Variants in CDKL5 observed in about 807,000 individuals in gnomAD.
CDKL5 encodes cyclin dependent kinase like 5.
A neutral mutation model predicts 61.7 loss-of-function variants in CDKL5; 8 were observed. The observed-to-expected ratio is 0.13, with a 90% CI of 0.08 to 0.23. CDKL5 has a LOEUF of 0.23. CDKL5 is among the 10% of genes least tolerant of loss of function. The pLI, the probability that CDKL5 is intolerant of heterozygous loss-of-function variation, is 1.00. For missense variants in CDKL5, 440 were observed against 734.5 expected (o/e 0.60, Z 4.63); for synonymous variants, 275 against 272.3 (o/e 1.01, Z -0.10).
At chrX:18,478,157 A>AT (rs1467809130) in intron 1 of CDKL5, among the ~76,000 whole-genome samples, 3 of 108,199 alleles carry the variant, frequency 2.8e-5, no homozygotes, top group Non-Finnish European at 5.7e-5. Context: ...TTTTGCCATC[A>AT]TTTTTGAAAC....
Position 18,634,669 on chromosome X carries a change from C to T in CDKL5, c.*5912C>T. 1 of 753,538 alleles carries T rather than the reference C, an allele frequency of 1.3e-6. No homozygotes were observed. Among genetic ancestry groups the T allele is most frequent in the Non-Finnish European group, 1.6e-6 (1 of 639,058 alleles). 62.1% of individuals were successfully genotyped at this position (753,538 alleles called of 1,213,427 possible). A position where few individuals can be genotyped will look rare whatever the true frequency, so the allele number is the denominator to read the frequency against. On this transcript the variant is annotated 3_prime_UTR_variant, in exon 18 of 18. Transcript: ENST00000623535. Reference sequence around the variant, plus strand: ...TTTACTCTTTGGTCACCGATCGAGTCAGGCTAGAGGGGTAATACGGTGATT... The same window carrying T: ...TTTACTCTTTGGTCACCGATCGAGTTAGGCTAGAGGGGTAATACGGTGATT...
chrX:18,549,956 G>A (rs1460520881), intron 3 of CDKL5, among the ~76,000 whole-genome samples: 1 of 111,612 alleles, frequency 9.0e-6, no homozygotes, highest in Non-Finnish European at 1.9e-5. Flanking sequence ...TAGCTGGTGA[G>A]TGGCTTCTGA....
At chrX:18,540,322 G>A in intron 3 of CDKL5, among the ~76,000 whole-genome samples, 1 of 109,877 alleles carries the variant, frequency 9.1e-6, no homozygotes, top group Non-Finnish European at 1.9e-5. Context: ...GACCACAGGT[G>A]TGCACCACCA....
At chrX:18,569,398 AG>A in intron 4 of CDKL5, among the ~76,000 whole-genome samples, 1 of 112,153 alleles carries the variant, frequency 8.9e-6, no homozygotes, top group South Asian at 3.7e-4. Flanking sequence ...TTTTCTGAGA[AG>A]GGAAAAAATG....
At chrX:18,611,120 A>G (rs1386806470) in intron 14 of CDKL5, among the ~76,000 whole-genome samples, 1 of 111,688 alleles carries the variant, frequency 9.0e-6, no homozygotes, top group Non-Finnish European at 1.9e-5. Flanking sequence ...TCCTGATACC[A>G]TGATTACGCT....
chrX:18,653,351 G>A, intron 21 of CDKL5: 1 of 1,175,346 alleles, frequency 8.5e-7, no homozygotes, highest in Admixed American at 2.4e-5. Flanking sequence ...GCTCCGTGGG[G>A]GGCCCGGGCA....
intron 3 of CDKL5, among the ~76,000 whole-genome samples, chrX:18,522,079 A>G (rs997469244): frequency 3.6e-5 from 4 of 110,847 alleles, no homozygotes; most frequent in African/African-American, 9.9e-5. Context: ...TGGGAAAAAA[A>G]GCTGTTGAAA....
At chrX:18,507,203 CAGTT>C in intron 2 of CDKL5, 43 bp downstream of exon 2, 2 of 909,495 alleles carry the variant, frequency 2.2e-6, no homozygotes, top group Non-Finnish European at 3.2e-6. Context: ...GAGCAATGAA[CAGTT>C]AGTTATTCCT....
At chrX:18,522,179 A>G (rs915480637) in intron 3 of CDKL5, among the ~76,000 whole-genome samples, 2 of 110,031 alleles carry the variant, frequency 1.8e-5, no homozygotes, top group East Asian at 5.7e-4. Context: ...GGACCTTTCC[A>G]TATATTTAAG....
intron 1 of CDKL5, among the ~76,000 whole-genome samples, chrX:18,502,432 T>G: frequency 8.9e-6 from 1 of 111,935 alleles, no homozygotes; most frequent in Non-Finnish European, 1.9e-5. Flanking sequence ...CTAAGCTAAG[T>G]ATAGCGAAAG....
intron 1 of CDKL5, among the ~76,000 whole-genome samples, chrX:18,490,508 T>C (rs1254239868): frequency 9.0e-6 from 1 of 110,702 alleles, no homozygotes; most frequent in African/African-American, 3.3e-5. Context: ...AATCTTCAGC[T>C]TACAAATGGA....
At chrX:18,487,086 T>C (rs1921818873) in intron 1 of CDKL5, among the ~76,000 whole-genome samples, 1 of 112,236 alleles carries the variant, frequency 8.9e-6, no homozygotes, top group Admixed American at 9.5e-5. Flanking sequence ...AAATATTGCA[T>C]ATATGAACAG....
chrX:18,509,610 A>G (rs759065045), intron 2 of CDKL5, among the ~76,000 whole-genome samples: 1 of 111,529 alleles, frequency 9.0e-6, no homozygotes, highest in South Asian at 3.8e-4. Flanking sequence ...TAGATTTTTC[A>G]CATTATAATT....
intron 1 of CDKL5, among the ~76,000 whole-genome samples, chrX:18,473,105 G>GCCAC (rs1224483165): frequency 9.2e-6 from 1 of 108,835 alleles, no homozygotes; most frequent in East Asian, 2.9e-4. Flanking sequence ...ACAGGCACAT[G>GCCAC]CCACCACGCC....
chrX:18,516,165 A>G (rs1923008054), intron 3 of CDKL5, among the ~76,000 whole-genome samples: 3 of 110,371 alleles, frequency 2.7e-5, no homozygotes, highest in Admixed American at 9.7e-5. Context: ...TAATTTTTGT[A>G]TTTTTAATAG....
intron 4 of CDKL5, among the ~76,000 whole-genome samples, chrX:18,566,814 A>G (rs963735578): frequency 2.7e-5 from 3 of 111,546 alleles, no homozygotes; most frequent in African/African-American, 9.8e-5. Flanking sequence ...GACGTGGAAG[A>G]CATTTGATCT....
At chrX:18,624,951 T>G (rs1439405239) in intron 16 of CDKL5, among the ~76,000 whole-genome samples, 177 bp from the exon 17 acceptor site, 1 of 111,553 alleles carries the variant, frequency 9.0e-6, no homozygotes, top group Non-Finnish European at 1.9e-5. Context: ...GCAGAAGAAT[T>G]TAACTAGCAT....
intron 1 of CDKL5, among the ~76,000 whole-genome samples, chrX:18,472,809 C>T (rs1057000543): frequency 1.8e-5 from 2 of 108,872 alleles, no homozygotes; most frequent in African/African-American, 3.4e-5. Flanking sequence ...GGATATCTGA[C>T]GGAGTAGGGG....
intron 4 of CDKL5, among the ~76,000 whole-genome samples, chrX:18,566,089 G>T (rs945674530): frequency 1.2e-4 from 14 of 112,344 alleles, no homozygotes; most frequent in African/African-American, 4.2e-4. Context: ...GCAAGCATCA[G>T]TTACCACCAA....
Sources: gnomAD v4.1 joint callset for allele counts (sites outside exome capture counted in the v4.1 genomes callset) on GRCh38, gnomAD v4.1.1 for gene constraint, MANE v1.5 for transcripts, NCBI Gene and HGNC (gene_info 2026-07-23, HGNC 2026-07-21) for gene names.